EML6: variants seen among roughly 807,000 people sequenced by gnomAD.
The protein encoded by EML6 is EMAP like 6.
A neutral mutation model predicts 240.1 loss-of-function variants in EML6; 154 were observed. The ratio of observed to expected loss-of-function variants is 0.64; its 90% CI spans 0.56 to 0.73. The LOEUF (loss-of-function observed/expected upper bound fraction) is 0.73. Among genes scored for constraint, EML6 ranks in the 30% least tolerant of loss-of-function variants. The pLI is 0.00. For synonymous variants in EML6, 1,148 were observed against 899.0 expected (o/e 1.28, Z -4.95); for missense variants, 2,964 against 2,474.6 (o/e 1.20, Z -4.20).
chr2:54,879,810 C>CT, intron 17 of EML6, 170 bp downstream of exon 17: 2 of 598,542 alleles, frequency 3.3e-6, no homozygotes, highest in Non-Finnish European at 5.9e-6. Flanking sequence ...CCAAACCTGA[C>CT]TTAGAGCAGG....
intron 21 of EML6, among the ~76,000 whole-genome samples, chr2:54,898,471 G>C (rs1181508505): frequency 6.6e-6 from 1 of 152,132 alleles, no homozygotes; most frequent in Non-Finnish European, 1.5e-5. Flanking sequence ...GGCTTCCAAA[G>C]AGAAGGCTAG....
intron 26 of EML6, among the ~76,000 whole-genome samples, chr2:54,919,643 A>G (rs1267101257): frequency 2.0e-5 from 3 of 152,210 alleles, no homozygotes; most frequent in Non-Finnish European, 4.4e-5. Context: ...TGTAAATGAA[A>G]TTGCTAGCAG....
chr2:54,959,898 G>C (rs575877452), intron 34 of EML6, among the ~76,000 whole-genome samples: 11 of 152,372 alleles, frequency 7.2e-5, no homozygotes. Context: ...GGGAGATGCA[G>C]AAGCAAAGCC....
chr2:54,849,464 T>C (rs919476596), intron 9 of EML6, among the ~76,000 whole-genome samples: 1 of 152,206 alleles, frequency 6.6e-6, no homozygotes, highest in Non-Finnish European at 1.5e-5. Context: ...GCCCAAAATA[T>C]CATTTAAACA....
At chr2:54,747,691 C>G (rs954552304) in intron 2 of EML6, among the ~76,000 whole-genome samples, 1 of 152,042 alleles carries the variant, frequency 6.6e-6, no homozygotes, top group Non-Finnish European at 1.5e-5. Flanking sequence ...ATTTGAGGCT[C>G]TTTGTTTTAT....
chr2:54,886,066 G>C (rs547511000), intron 17 of EML6, among the ~76,000 whole-genome samples: 1 of 150,336 alleles, frequency 6.7e-6, no homozygotes, highest in Non-Finnish European at 1.5e-5. Context: ...AGAGGGAATA[G>C]CATAATGAAC....
chr2:54,740,314 GAA>G (rs1683574073), intron 2 of EML6, among the ~76,000 whole-genome samples: 1 of 152,134 alleles, frequency 6.6e-6, no homozygotes, highest in Non-Finnish European at 1.5e-5. Context: ...TGAAAGATGG[GAA>G]TGGTCACAGG....
At chr2:54,836,107 T>G (rs892647688) in intron 7 of EML6, among the ~76,000 whole-genome samples, 2 of 152,150 alleles carry the variant, frequency 1.3e-5, no homozygotes, top group Non-Finnish European at 2.9e-5. Flanking sequence ...AGAAGAACAC[T>G]GCAGAGGCCC....
At chr2:54,843,974 G>C in intron 7 of EML6, 73 bp from the exon 8 acceptor site, 1 of 880,854 alleles carries the variant, frequency 1.1e-6, no homozygotes, top group South Asian at 1.5e-5. Context: ...TTGTGTGTGT[G>C]TGTGTGTGTG....
chr2:54,801,199 A>G (rs1189880434), intron 2 of EML6, among the ~76,000 whole-genome samples: 2 of 151,842 alleles, frequency 1.3e-5, no homozygotes, highest in Non-Finnish European at 2.9e-5. Flanking sequence ...GGGCGCCTGT[A>G]GTCCCAGATC....
intron 2 of EML6, among the ~76,000 whole-genome samples, chr2:54,796,922 T>C (rs1669814184): frequency 6.6e-6 from 1 of 151,900 alleles, no homozygotes; most frequent in Non-Finnish European, 1.5e-5. Flanking sequence ...TGCAGCACTT[T>C]GAGAGGCCGA....
chr2:54,901,685 C>G (rs1389661082), intron 22 of EML6, among the ~76,000 whole-genome samples: 1 of 152,154 alleles, frequency 6.6e-6, no homozygotes, highest in African/African-American at 2.4e-5. Flanking sequence ...TTTTCATTGT[C>G]TCAGTACTGG....
intron 2 of EML6, among the ~76,000 whole-genome samples, chr2:54,785,507 A>T (rs546407303): frequency 3.1e-4 from 47 of 152,246 alleles, no homozygotes; most frequent in Admixed American, 3.3e-4. Flanking sequence ...AGGGATACTC[A>T]CAACACTTAA....
intron 17 of EML6, among the ~76,000 whole-genome samples, chr2:54,886,329 C>T (rs1293338494): frequency 6.6e-6 from 1 of 151,784 alleles, no homozygotes; most frequent in Non-Finnish European, 1.5e-5. Context: ...CCACGCCTGG[C>T]TAATTTTTTG....
chr2:54,823,693 C>A (rs1349483940), intron 5 of EML6, among the ~76,000 whole-genome samples: 1 of 152,096 alleles, frequency 6.6e-6, no homozygotes, highest in Non-Finnish European at 1.5e-5. Context: ...GGGACCCTAT[C>A]CTGGGAGCCA....
chr2:54,775,420 G>A (rs1175981702), intron 2 of EML6, among the ~76,000 whole-genome samples: 4 of 152,100 alleles, frequency 2.6e-5, no homozygotes, highest in Non-Finnish European at 4.4e-5. Flanking sequence ...TGCCTGAAAC[G>A]CTCCTCCCCT....
chr2:54,969,749 C>T (rs1676908723), intron 41 of EML6, among the ~76,000 whole-genome samples: 1 of 152,154 alleles, frequency 6.6e-6, no homozygotes, highest in South Asian at 2.1e-4. Context: ...CTCTCTGACT[C>T]AAGTGGAGGT....
At chr2:54,819,003 T>C (rs1223897157) in intron 4 of EML6, among the ~76,000 whole-genome samples, 2 of 152,190 alleles carry the variant, frequency 1.3e-5, no homozygotes, top group African/African-American at 2.4e-5. Flanking sequence ...CTTATCTTCA[T>C]TGACCTTAAC....
intron 24 of EML6, among the ~76,000 whole-genome samples, chr2:54,908,994 G>A (rs1248863737): frequency 1.3e-5 from 2 of 152,126 alleles, no homozygotes; most frequent in Admixed American, 6.5e-5. Context: ...TTAGATTCTC[G>A]AATATTTTTG....
Sources: allele counts gnomAD v4.1 joint callset (sites outside exome capture counted in the v4.1 genomes callset), GRCh38; gene constraint gnomAD v4.1.1; transcripts MANE v1.5; gene names NCBI Gene and HGNC (gene_info 2026-07-23, HGNC 2026-07-21).